MYL9: variants seen among roughly 807,000 people sequenced by gnomAD.
The protein encoded by MYL9 is myosin regulatory light polypeptide 9.
In MYL9, 7 loss-of-function variants were observed where a neutral mutation model predicts 12.8. That is an observed-to-expected ratio of 0.55 (90% CI 0.31 to 1.03). The LOEUF is 1.03. MYL9 is among the 50% of genes least tolerant of loss of function. The probability of loss-of-function intolerance (pLI) is 0.05; values close to 1 mark genes in which losing one functional copy is unlikely to be tolerated. For missense variants in MYL9, 190 were observed against 242.7 expected (o/e 0.78, Z 1.44); for synonymous variants, 81 against 87.8 (o/e 0.92, Z 0.43).
At chr20:36,543,194 G>C (rs969892982) in intron 1 of MYL9, among the ~76,000 whole-genome samples, 4 of 152,220 alleles carry the variant, frequency 2.6e-5, no homozygotes, top group African/African-American at 9.6e-5. Flanking sequence ...CCTGAACCAT[G>C]CAAGAAACAC....
In MYL9 at chr20:36,544,956, A is replaced by C; in HGVS notation, c.72A>C (p.Ala24=). 6.2e-7 allele frequency: 1 copy of C among 1,613,470 alleles called. No homozygotes were observed. The highest frequency in any genetic ancestry group is 8.5e-7 in the Non-Finnish European group (1 of 1,179,894). Residue 24 remains alanine, a synonymous_variant, in exon 2 of 4, where the codon GCA becomes GCC. Coordinates refer to ENST00000279022, the MANE Select transcript of MYL9 (RefSeq NM_006097.5). ...AGCGGGCCACATCCAATGTCTTCGC[A>C]ATGTTTGACCAGTCCCAGATCCAGG... is the stretch of plus-strand genomic sequence containing the variant. ...RPQRATSNVF[A]MFDQSQIQEF... is the part of the protein sequence containing the mutation.
intron 2 of MYL9, among the ~76,000 whole-genome samples, chr20:36,547,120 C>G (rs1284163316): frequency 6.6e-6 from 1 of 152,204 alleles, no homozygotes; most frequent in African/African-American, 2.4e-5. Context: ...CCCTGAACCC[C>G]TGAGACTTCA....
chr20:36,544,424 AC>A (rs1003889389), intron 1 of MYL9, among the ~76,000 whole-genome samples: 17 of 152,278 alleles, frequency 1.1e-4, no homozygotes, highest in African/African-American at 2.4e-4. Context: ...CCACGAGTGG[AC>A]CCACCTTGTC....
At chr20:36,548,271 C>A in intron 3 of MYL9, 78 bp downstream of exon 3, 1 of 1,492,930 alleles carries the variant, frequency 6.7e-7, no homozygotes, top group East Asian at 2.4e-5. Flanking sequence ...CCCCTAAGGG[C>A]CAGAACAGAC....
chr20:36,549,643 C>A lies in MYL9; in HGVS notation c.*394C>A, dbSNP rs891401362. ...ATCAGACACCCCTTCACGTGTATCCCCACACAAATGCAAGCTCACCAAGGT... is the reference window on the plus strand; with the variant it reads ...ATCAGACACCCCTTCACGTGTATCCACACACAAATGCAAGCTCACCAAGGT... On this transcript the variant is annotated 3_prime_UTR_variant, in exon 4 of 4. Transcript: ENST00000279022. 2.1e-5 allele frequency: 4 copies of A among 187,296 alleles called. No homozygotes were observed. Among genetic ancestry groups the A allele is most frequent in the Non-Finnish European group, 3.4e-5 (3 of 88,844 alleles). 11.6% of individuals were successfully genotyped at this position (187,296 alleles called of 1,614,324 possible). A position where few individuals can be genotyped will look rare whatever the true frequency, so the allele number is the denominator to read the frequency against.
intron 2 of MYL9, among the ~76,000 whole-genome samples, chr20:36,545,444 C>G (rs2038085497): frequency 6.6e-6 from 1 of 150,534 alleles, no homozygotes; most frequent in African/African-American, 2.5e-5. Context: ...TTGCAGTGAG[C>G]CGAGATCGCC....
chr20:36,548,073 G>C lies in MYL9; in HGVS notation c.226G>C (p.Glu76Gln). 6.2e-7 allele frequency: 1 copy of C among 1,613,540 alleles called. No individual in the cohort carries two copies. The highest frequency in any genetic ancestry group is 1.1e-5 in the South Asian group (1 of 91,036). The change falls in exon 3 of 4, where the codon GAG (glutamate) becomes CAG (glutamine). Residue 76 changes from glutamate to glutamine, a missense_variant. By Grantham distance (29) the Glu-to-Gln change is conservative. Coordinates refer to ENST00000279022, the MANE Select transcript of MYL9 (RefSeq NM_006097.5). The stretch of plus-strand genomic sequence containing the variant: ...CGAATACCTGGAGGGCATGATGAGC[G>C]AGGCCCCGGGGCCCATCAACTTCAC... ...TDEYLEGMMS[E>Q]APGPINFTMF...
chr20:36,547,736 C>T (rs1439203208), intron 2 of MYL9, among the ~76,000 whole-genome samples: 1 of 152,218 alleles, frequency 6.6e-6, no homozygotes, highest in Non-Finnish European at 1.5e-5. Flanking sequence ...TGCAATAAGG[C>T]ACGTGGTCGA....
At chr20:36,543,675 T>C (rs920050433) in intron 1 of MYL9, among the ~76,000 whole-genome samples, 1 of 152,172 alleles carries the variant, frequency 6.6e-6, no homozygotes, top group Non-Finnish European at 1.5e-5. Flanking sequence ...CAAACAAGCA[T>C]CTGTTAGCCC....
At chr20:36,542,049 C>A (rs1451711180) in intron 1 of MYL9, among the ~76,000 whole-genome samples, 1 of 152,142 alleles carries the variant, frequency 6.6e-6, no homozygotes, top group Non-Finnish European at 1.5e-5. Context: ...CATCCCTACA[C>A]CCTGGGCCAG....
In MYL9 at chr20:36,549,382, G is replaced by A. The variant is rs1240395381; in HGVS notation, c.*133G>A. ...AGGGGTTAGGGTCCCAGTTCCCAGT[G>A]GAAGAAACAGGCCAGGAGAAGTGCG... On this transcript the variant is annotated 3_prime_UTR_variant, in exon 4 of 4. Transcript: ENST00000279022. The A allele has an allele frequency of 2.6e-6, 2 of 774,704 alleles. No homozygotes were observed. Among genetic ancestry groups the A allele is most frequent in the South Asian group, 1.8e-5 (1 of 54,736 alleles). 48.0% of individuals were successfully genotyped at this position (774,704 alleles called of 1,614,324 possible).
intron 1 of MYL9, among the ~76,000 whole-genome samples, chr20:36,543,286 T>A (rs988430095): frequency 6.6e-6 from 1 of 152,162 alleles, no homozygotes; most frequent in Non-Finnish European, 1.5e-5. Context: ...GGGGACCAGC[T>A]GGGGCTGGCC....
rs2038140224 is a variant in MYL9, at chr20:36,549,169, C to T, written c.439C>T (p.Pro147Ser). Residue 147 changes from proline to serine, a missense_variant, in exon 4 of 4, where the codon CCC (proline) becomes TCC (serine). Physicochemically the swap from Pro to Ser is moderately conservative, Grantham distance 74 (BLOSUM62 -1). Transcript: ENST00000279022. Reference sequence around the variant, plus strand: ...AGTGGACGAGATGTACCGGGAGGCACCCATTGATAAGAAAGGCAACTTCAA... The same window carrying T: ...AGTGGACGAGATGTACCGGGAGGCATCCATTGATAAGAAAGGCAACTTCAA... The part of the protein sequence containing the change: ...EEVDEMYREA[P>S]IDKKGNFNYV... 6.2e-7 allele frequency: 1 copy of T among 1,613,916 alleles called. No individual in the cohort carries two copies. The highest frequency in any genetic ancestry group is 8.5e-7 in the Non-Finnish European group (1 of 1,180,016).
chr20:36,546,166 G>A (rs940625669), intron 2 of MYL9, among the ~76,000 whole-genome samples: 2 of 152,198 alleles, frequency 1.3e-5, no homozygotes, highest in Non-Finnish European at 2.9e-5. Flanking sequence ...GGGAAACACA[G>A]GCCCAGAGGC....
intron 3 of MYL9, among the ~76,000 whole-genome samples, chr20:36,548,505 C>T (rs1337637767): frequency 2.0e-5 from 3 of 152,200 alleles, no homozygotes; most frequent in Non-Finnish European, 2.9e-5. Flanking sequence ...CCCCCCTCCT[C>T]GGATCTCCTA....
At chr20:36,547,515 C>G (rs2038115267) in intron 2 of MYL9, among the ~76,000 whole-genome samples, 1 of 152,210 alleles carries the variant, frequency 6.6e-6, no homozygotes, top group Admixed American at 6.5e-5. Context: ...CCAAGGTGCA[C>G]AGCTGGGATC....
chr20:36,547,600 G>T (rs1346773702), intron 2 of MYL9, among the ~76,000 whole-genome samples: 1 of 152,218 alleles, frequency 6.6e-6, no homozygotes, highest in Non-Finnish European at 1.5e-5. Flanking sequence ...CAAATGCCAG[G>T]TCTACTCAAG....
chr20:36,550,427 G>A lies in MYL9; in HGVS notation c.*1178G>A, dbSNP rs1213586387. On this transcript the variant is annotated 3_prime_UTR_variant, in exon 4 of 4. Transcript: ENST00000279022. ...ATGGCAGTGCCTGGGGCCTAAGAGG[G>A]GCAGAAAGAGCGCTGAATGACTGAG... 6.5e-6 allele frequency: 1 copy of A among 152,904 alleles called. No homozygotes were observed. The highest frequency in any genetic ancestry group is 1.5e-5 in the Non-Finnish European group (1 of 68,706). 9.5% of individuals were successfully genotyped at this position (152,904 alleles called of 1,614,324 possible).
Position 36,549,275 on chromosome 20 carries a change from G to GC in MYL9, c.*31dup, listed in dbSNP as rs144071876. ...GCCACCCCAGCCCCCTGACACCCCA[G>GC]CCCCCGCCAGTCACCCCTCCCCGCA... On this transcript the variant is annotated 3_prime_UTR_variant, in exon 4 of 4. Transcript: ENST00000279022. 1 of 1,130,620 alleles carries GC rather than the reference G, an allele frequency of 8.8e-7. No individual in the cohort carries two copies. Among genetic ancestry groups the GC allele is most frequent in the Admixed American group, 2.9e-5 (1 of 34,570 alleles). The allele number at this position is 1,130,620 out of a possible 1,614,324, so 70.0% of individuals were successfully genotyped here.
Sources: gnomAD v4.1 joint callset for allele counts (sites outside exome capture counted in the v4.1 genomes callset) on GRCh38, gnomAD v4.1.1 for gene constraint, MANE v1.5 for transcripts, NCBI Gene and HGNC (gene_info 2026-07-23, HGNC 2026-07-21) for gene names.